TACC1: variants seen among roughly 807,000 people sequenced by gnomAD.
The protein encoded by TACC1 is transforming acidic coiled-coil containing protein 1, also known as transforming acidic coiled-coil-containing protein 1.
A neutral mutation model predicts 84.4 loss-of-function variants in TACC1; 48 were observed. The observed-to-expected ratio is 0.57, with a 90% confidence interval of 0.45 to 0.72. The LOEUF is 0.72. TACC1 is among the 30% of genes least tolerant of loss of function. The probability of loss-of-function intolerance (pLI) is 0.00; values close to 1 mark genes in which losing one functional copy is unlikely to be tolerated. For synonymous variants in TACC1, 372 were observed against 376.3 expected, an observed-to-expected ratio of 0.99 and a Z score of 0.13; for missense variants, 920 against 973.0, an observed-to-expected ratio of 0.95 and a Z score of 0.72.
chr8:38,838,645 G>C, intron 8 of TACC1, 99 bp downstream of exon 8: 1 of 1,002,052 alleles, frequency 1.0e-6, no homozygotes, highest in South Asian at 1.4e-5. Flanking sequence ...ACAGAACCAA[G>C]TGTTGAGAGC....
chr8:38,843,726 T>C (rs1481390335), intron 11 of TACC1, among the ~76,000 whole-genome samples: 2 of 152,234 alleles, frequency 1.3e-5, no homozygotes, highest in African/African-American at 2.4e-5. Flanking sequence ...TGAGAATCTT[T>C]CCATGTCAGT....
chr8:38,837,689 C>T (rs550792616), intron 7 of TACC1, among the ~76,000 whole-genome samples: 3 of 152,158 alleles, frequency 2.0e-5, no homozygotes, highest in Non-Finnish European at 4.4e-5. Context: ...GCCTGATTAC[C>T]TGAAGCACAC....
At chr8:38,729,028 T>A (rs1411059664) in intron 1 of TACC1, among the ~76,000 whole-genome samples, 1 of 152,210 alleles carries the variant, frequency 6.6e-6, no homozygotes. Flanking sequence ...TCTTCTTTTT[T>A]CTTTCCGCCC....
At chr8:38,831,956 G>A (rs1185449140) in intron 6 of TACC1, among the ~76,000 whole-genome samples, 2 of 152,024 alleles carry the variant, frequency 1.3e-5, no homozygotes, top group Admixed American at 6.6e-5. Context: ...ACAGGCATGC[G>A]CCACCACGCC....
intron 8 of TACC1, chr8:38,839,354 C>G: frequency 2.5e-6 from 1 of 395,294 alleles, no homozygotes; most frequent in Non-Finnish European, 4.5e-6. Context: ...CATGAAATGA[C>G]TAAAGATGAA....
intron 3 of TACC1, among the ~76,000 whole-genome samples, chr8:38,771,639 G>A (rs575906222): frequency 6.6e-6 from 1 of 152,296 alleles, no homozygotes; most frequent in Non-Finnish European, 1.5e-5. Context: ...GTGTCACCTG[G>A]AGGCCTTCTT....
At chr8:38,728,916 G>A (rs1263496655) in intron 1 of TACC1, among the ~76,000 whole-genome samples, 2 of 152,150 alleles carry the variant, frequency 1.3e-5, no homozygotes, top group African/African-American at 4.8e-5. Context: ...GTATTAAATG[G>A]CAGAATTCTA....
chr8:38,793,076 A>G (rs1469224652), intron 2 of TACC1, among the ~76,000 whole-genome samples: 1 of 152,214 alleles, frequency 6.6e-6, no homozygotes, highest in Non-Finnish European at 1.5e-5. Flanking sequence ...TCTCTGAGAA[A>G]GAGAATCTTA....
intron 1 of TACC1, among the ~76,000 whole-genome samples, chr8:38,739,535 T>C (rs1470927704): frequency 6.6e-6 from 1 of 152,238 alleles, no homozygotes; most frequent in Non-Finnish European, 1.5e-5. Context: ...CTACACCATT[T>C]TCGGTGCAGT....
intron 3 of TACC1, among the ~76,000 whole-genome samples, chr8:38,773,980 T>C (rs767885679): frequency 6.6e-6 from 1 of 152,218 alleles, no homozygotes; most frequent in Non-Finnish European, 1.5e-5. Context: ...ACAAGGATGC[T>C]TAACATGGTC....
intron 1 of TACC1, among the ~76,000 whole-genome samples, chr8:38,731,852 C>G (rs575168479): frequency 2.0e-4 from 31 of 152,034 alleles, no homozygotes; most frequent in Non-Finnish European, 2.9e-4. Flanking sequence ...TGGCTCATGC[C>G]TATAATCCCA....
At chr8:38,844,044 A>G (rs1260173948) in intron 11 of TACC1, among the ~76,000 whole-genome samples, 5 of 152,220 alleles carry the variant, frequency 3.3e-5, no homozygotes, top group Non-Finnish European at 7.3e-5. Context: ...ATATGAGAGC[A>G]TCTCTTTTTT....
At chr8:38,740,586 A>C (rs1806870918) in intron 1 of TACC1, among the ~76,000 whole-genome samples, 1 of 152,270 alleles carries the variant, frequency 6.6e-6, no homozygotes, top group Non-Finnish European at 1.5e-5. Context: ...ATGGGCAAAA[A>C]AATGGAAACA....
intron 7 of TACC1, among the ~76,000 whole-genome samples, chr8:38,836,604 T>A (rs1436574058): frequency 6.6e-6 from 1 of 152,220 alleles, no homozygotes; most frequent in Non-Finnish European, 1.5e-5. Context: ...GTGCTTTTAT[T>A]TTACAGAGGA....
chr8:38,812,611 T>G (rs1305302615), intron 2 of TACC1, among the ~76,000 whole-genome samples: 3 of 152,222 alleles, frequency 2.0e-5, no homozygotes, highest in Non-Finnish European at 4.4e-5. Flanking sequence ...TTTTCCACAT[T>G]GCAACTGGGG....
At chr8:38,776,898 T>C (rs1260387637) in intron 3 of TACC1, among the ~76,000 whole-genome samples, 2 of 152,126 alleles carry the variant, frequency 1.3e-5, no homozygotes, top group Non-Finnish European at 2.9e-5. Context: ...GAGGAGGTTG[T>C]AATGTGAGGG....
intron 2 of TACC1, among the ~76,000 whole-genome samples, chr8:38,806,553 TG>T (rs1822778607): frequency 6.6e-6 from 1 of 151,632 alleles, no homozygotes; most frequent in Non-Finnish European, 1.5e-5. Context: ...GAAAGAGGGA[TG>T]GGGCTGGCTA....
At chr8:38,796,764 A>G (rs1820084754) in intron 2 of TACC1, among the ~76,000 whole-genome samples, 1 of 152,226 alleles carries the variant, frequency 6.6e-6, no homozygotes, top group African/African-American at 2.4e-5. Flanking sequence ...GAGAAGAGGC[A>G]GGTGTGTGGA....
chr8:38,846,556 G>A (rs1420687075), intron 11 of TACC1, 143 bp from the exon 12 acceptor site: 3 of 933,070 alleles, frequency 3.2e-6, no homozygotes, highest in Non-Finnish European at 3.1e-6. Flanking sequence ...TTAGGTCACC[G>A]ATTTTTGTTT....
Sources: allele counts gnomAD v4.1 joint callset (sites outside exome capture counted in the v4.1 genomes callset), GRCh38; gene constraint gnomAD v4.1.1; transcripts MANE v1.5; gene names NCBI Gene and HGNC (gene_info 2026-07-23, HGNC 2026-07-21).